Variants in CAMSAP3 observed in about 807,000 individuals in gnomAD.
CAMSAP3 encodes the protein calmodulin regulated spectrin associated protein family member 3.
Under a neutral mutation model 112.5 loss-of-function variants are expected in CAMSAP3, and 34 were observed. The ratio of observed to expected loss-of-function variants is 0.30; its 90% confidence interval spans 0.23 to 0.40. The LOEUF (loss-of-function observed/expected upper bound fraction) is 0.40, where lower values mean the gene tolerates loss of function less well. Ranked by LOEUF, CAMSAP3 falls within the 10% of genes least tolerant of loss-of-function variation. CAMSAP3 has a pLI of 1.00. For missense variants in CAMSAP3, 1,602 were observed against 1,770.3 expected (o/e 0.90, Z 1.71); for synonymous variants, 868 against 799.8 (o/e 1.09, Z -1.44).
rs547268564 is a variant in CAMSAP3 at position 7,610,286 on chromosome 19, A to T, written c.761-190A>T. ...TGAGCTGGGATTGCGCCACTGCACT[A>T]CAGCCTGGGTGACAGAGCGAGACTC... On this transcript the variant is annotated intron_variant, in intron 5 of 16. Transcript: ENST00000160298. This position sits in a 1 kb window ranked among gnomAD's most constrained non-coding sequence, Gnocchi z 4.9. Among the ~76,000 whole-genome samples, 10 of 150,938 alleles carry T rather than the reference A, an allele frequency of 6.6e-5. No homozygotes were observed. In the South Asian group the frequency reaches 1.7e-3, roughly 25 times the overall value.
At chr19:7,606,884 C>T in intron 4 of CAMSAP3, 2 of 1,533,946 alleles carry the variant, frequency 1.3e-6, no homozygotes, top group Non-Finnish European at 9.0e-7. Flanking sequence ...CTGTTTCTGC[C>T]TGCCTGTCTG....
chr19:7,616,948 T>TG (rs981863446), intron 14 of CAMSAP3, among the ~76,000 whole-genome samples: 87 of 113,390 alleles, frequency 7.7e-4, no homozygotes, highest in East Asian at 2.1e-3. Context: ...TTTTTTTTTT[T>TG]TTTTTTTTTT....
intron 11 of CAMSAP3, among the ~76,000 whole-genome samples, chr19:7,613,820 C>G (rs1000886161): frequency 6.6e-6 from 1 of 152,128 alleles, no homozygotes; most frequent in Non-Finnish European, 1.5e-5. Context: ...CCTGTGTCCA[C>G]TGTCTCTCCA....
intron 11 of CAMSAP3, among the ~76,000 whole-genome samples, chr19:7,613,602 G>A (rs117029024): frequency 0.011 from 1,700 of 151,896 alleles, 16 homozygotes; most frequent in Middle Eastern, 0.031. Flanking sequence ...ATGGGTGGCC[G>A]GACAAGGGGG....
In CAMSAP3 at chr19:7,617,727, G is replaced by A. The variant is rs753675497; in HGVS notation, c.3445-25G>A. On this transcript the variant is annotated intron_variant, in intron 16 of 16. Coordinates refer to ENST00000160298, the MANE Select transcript of CAMSAP3 (RefSeq NM_020902.2). This position sits in a 1 kb window ranked among gnomAD's most constrained non-coding sequence, Gnocchi z 7.5. ...GGTGGGTGGCCTGACTTGGCCAGCTGACCATTTCCAGCACTCCTGCCCAGG... is the reference window on the plus strand; with the variant it reads ...GGTGGGTGGCCTGACTTGGCCAGCTAACCATTTCCAGCACTCCTGCCCAGG... The A allele has an allele frequency of 6.2e-6, 10 of 1,612,098 alleles. No homozygotes were observed. The highest frequency in any genetic ancestry group is 1.3e-5 in the African/African-American group (1 of 74,898).
rs1008049606 is a variant in CAMSAP3 at position 7,611,789 on chromosome 19, G to C, written c.1296G>C (p.Ser432=). ...GDPVLLRSVS[S]DSLGPPRPAP... The stretch of plus-strand genomic sequence containing the variant: ...CTGTGCTCCTCCGCTCTGTGAGCTC[G>C]GACAGCCTGGGCCCCCCGCGTCCCG... The change falls in exon 11 of 17, where the codon TCG becomes TCC. Residue 432 remains serine (S), a synonymous_variant. Transcript: ENST00000160298. This position sits in a 1 kb window ranked among gnomAD's most constrained non-coding sequence, Gnocchi z 6.9. 1.9e-6 allele frequency: 3 copies of C among 1,596,950 alleles called. No homozygotes were observed. Among genetic ancestry groups the C allele is most frequent in the Non-Finnish European group, 2.6e-6 (3 of 1,172,376 alleles).
At chr19:7,616,196 A>AC (rs1228145955) in intron 13 of CAMSAP3, among the ~76,000 whole-genome samples, 1 of 133,240 alleles carries the variant, frequency 7.5e-6, no homozygotes, top group African/African-American at 3.2e-5. Flanking sequence ...CAGAAATAAG[A>AC]CAAAAAAAAA....
intron 11 of CAMSAP3, among the ~76,000 whole-genome samples, chr19:7,613,385 C>T (rs537575609): frequency 2.2e-5 from 2 of 91,936 alleles, no homozygotes; most frequent in South Asian, 3.2e-4. Context: ...GACATTTGCA[C>T]GGTGGGGGGC....
intron 1 of CAMSAP3, among the ~76,000 whole-genome samples, chr19:7,602,232 T>C (rs1450279163): frequency 6.6e-6 from 1 of 152,024 alleles, no homozygotes. Flanking sequence ...ACCAGAGATT[T>C]TGCTAAACAT....
chr19:7,612,630 C>G lies in CAMSAP3; in HGVS notation c.2137C>G (p.Leu713Val), dbSNP rs1182158105. The part of the protein sequence containing the change: ...VSKLSAALSS[L>V]QRDMQRLTDQ... ...CAAGCTGAGTGCCGCCTTGAGCTCG[C>G]TGCAGCGGGACATGCAGAGGCTCAC... Residue 713 changes from leucine to valine, a missense_variant, in exon 11 of 17, where the codon CTG (leucine) becomes GTG (valine). Around this residue, in one of 6 missense-constraint regions of CAMSAP3, gnomAD observed 1,100 missense variants for 1,135.7 expected, o/e 0.97. Coordinates refer to ENST00000160298, the MANE Select transcript of CAMSAP3 (RefSeq NM_020902.2). The G allele has an allele frequency of 6.6e-7, 1 of 1,522,424 alleles. No individual in the cohort carries two copies. Among genetic ancestry groups the G allele is most frequent in the African/African-American group, 1.4e-5 (1 of 72,738 alleles). The allele number at this position is 1,522,424 out of a possible 1,614,324, so 94.3% of individuals were successfully genotyped here.
In CAMSAP3 at chr19:7,617,961, C is replaced by T. The variant is rs752671167; in HGVS notation, c.3654C>T (p.Thr1218=). ...GCTTCACCCAGATCCCCGCCAAGAC[C>T]ATGTCCATGAGCGTCGATGCCTTCA... The part of the protein sequence containing the change: ...RKRFTQIPAK[T]MSMSVDAFTI... The change falls in exon 17 of 17, where the codon ACC becomes ACT. Residue 1218 remains threonine (T), a synonymous_variant. Coordinates refer to ENST00000160298, the MANE Select transcript of CAMSAP3 (RefSeq NM_020902.2). This position sits in a 1 kb window ranked among gnomAD's most constrained non-coding sequence, Gnocchi z 7.5. 2.5e-6 allele frequency: 4 copies of T among 1,614,180 alleles called. No individual in the cohort carries two copies. Among genetic ancestry groups the T allele is most frequent in the Non-Finnish European group, 2.5e-6 (3 of 1,180,030 alleles).
rs1322983774 is a variant in CAMSAP3 at position 7,607,393 on chromosome 19, T to C, written c.622-733T>C. On this transcript the variant is annotated intron_variant, in intron 4 of 16. Transcript: ENST00000160298. The surrounding 1 kb of genome is among the most constrained non-coding windows in gnomAD (Gnocchi z 4.9). The stretch of plus-strand genomic sequence containing the variant: ...TCTTCCCTGAATGAGCTGTGTGACC[T>C]TGCAGAAGTATCTAAACCTCTCTGT... Among the ~76,000 whole-genome samples the C allele has an allele frequency of 3.3e-5, 5 of 152,230 alleles. No homozygotes were observed. Among genetic ancestry groups the C allele is most frequent in the Admixed American group, 1.3e-4 (2 of 15,290 alleles).
Position 7,615,620 on chromosome 19 carries a change from T to C in CAMSAP3, c.3013T>C (p.Ser1005Pro). The C allele has an allele frequency of 6.9e-7, 1 of 1,449,772 alleles. No homozygotes were observed. Among genetic ancestry groups the C allele is most frequent in the Non-Finnish European group, 9.1e-7 (1 of 1,103,110 alleles). The allele number at this position is 1,449,772 out of a possible 1,614,324, so 89.8% of individuals were successfully genotyped here. A position where few individuals can be genotyped will look rare whatever the true frequency, so the allele number is the denominator to read the frequency against. The part of the protein sequence containing the change: ...DKVLRPRAAG[S>P]GGPGRGGRRA... ...GGTGCTGCGGCCCCGGGCTGCGGGG[T>C]CCGGGGGTCCAGGTCGGGGCGGGCG... is the stretch of plus-strand genomic sequence containing the variant. The change falls in exon 13 of 17, where the codon TCC becomes CCC. Residue 1005 changes from serine (S) to proline (P), a missense_variant. Ser to Pro is a moderately conservative substitution (Grantham distance 74, BLOSUM62 -1). This residue lies in a region of CAMSAP3 where 1,100 missense variants were observed against 1,135.7 expected (regional missense o/e 0.97). Transcript: ENST00000160298. This position sits in a 1 kb window ranked among gnomAD's most constrained non-coding sequence, Gnocchi z 6.5.
Position 7,615,384 on chromosome 19 carries a change from A to G in CAMSAP3, c.2811-34A>G. 6.5e-7 allele frequency: 1 copy of G among 1,536,426 alleles called. No homozygotes were observed. Among genetic ancestry groups the G allele is most frequent in the Non-Finnish European group, 8.8e-7 (1 of 1,140,822 alleles). On this transcript the variant is annotated intron_variant, in intron 12 of 16. Coordinates refer to ENST00000160298, the MANE Select transcript of CAMSAP3 (RefSeq NM_020902.2). This position sits in a 1 kb window ranked among gnomAD's most constrained non-coding sequence, Gnocchi z 6.5. Reference sequence around the variant, plus strand: ...CCTGTCTGCCACCGCGGACCCCGTGAGCGGTTCTGATGCCGATTCCCTGTG... The same window carrying G: ...CCTGTCTGCCACCGCGGACCCCGTGGGCGGTTCTGATGCCGATTCCCTGTG...
Position 7,607,816 on chromosome 19 carries a change from C to G in CAMSAP3, c.622-310C>G. ...CCTTGCTGATGGCTGCTCCTCTCCC[C>G]CCAGCACGCAATTGCCTTCTGTTTG... On this transcript the variant is annotated intron_variant, in intron 4 of 16. Transcript: ENST00000160298. The surrounding 1 kb of genome is among the most constrained non-coding windows in gnomAD (Gnocchi z 4.9). The G allele has an allele frequency of 7.5e-7, 1 of 1,337,220 alleles. No homozygotes were observed. The highest frequency in any genetic ancestry group is 1.0e-6 in the Non-Finnish European group (1 of 984,242). The allele number at this position is 1,337,220 out of a possible 1,614,324, so 82.8% of individuals were successfully genotyped here. A position where few individuals can be genotyped will look rare whatever the true frequency, so the allele number is the denominator to read the frequency against.
At chr19:7,614,967 A>AGT in intron 11 of CAMSAP3, 51 of 610,324 alleles carry the variant, frequency 8.4e-5, no homozygotes, top group Non-Finnish European at 1.2e-4. Context: ...TGGGTTAAGC[A>AGT]GTGTGTGTGT....
At chr19:7,597,907 A>C (rs1215463687) in intron 1 of CAMSAP3, among the ~76,000 whole-genome samples, 1 of 152,140 alleles carries the variant, frequency 6.6e-6, no homozygotes, top group Non-Finnish European at 1.5e-5. Flanking sequence ...TGTGTGACAC[A>C]CGGCAGTGGC....
In CAMSAP3 at chr19:7,612,419, G is replaced by A. The variant is rs1295505392; in HGVS notation, c.1926G>A (p.Pro642=). The A allele has an allele frequency of 1.9e-6, 3 of 1,591,394 alleles. No individual in the cohort carries two copies. The highest frequency in any genetic ancestry group is 1.7e-5 in the Admixed American group (1 of 57,314). Reference sequence around the variant, plus strand: ...AAAGCGCCTTCCTGCAGGTGCAGCCGCGGGAAGCCTCTGGGGAGGCGGAAG... The same window carrying A: ...AAAGCGCCTTCCTGCAGGTGCAGCCACGGGAAGCCTCTGGGGAGGCGGAAG... ...LGKSAFLQVQ[P]REASGEAEAE... Residue 642 remains proline, a synonymous_variant, in exon 11 of 17, where the codon CCG becomes CCA. Transcript: ENST00000160298.
rs1364751396 is a variant in CAMSAP3 at position 7,612,991 on chromosome 19, C to T, written c.2498C>T (p.Pro833Leu). ...RSSILLAEET[P>L]PEEPAARPGL... ...TCCATCCTCCTGGCGGAGGAGACGCCCCCCGAGGAGCCAGCCGCCCGGCCG... is the reference window on the plus strand; with the variant it reads ...TCCATCCTCCTGGCGGAGGAGACGCTCCCCGAGGAGCCAGCCGCCCGGCCG... Residue 833 changes from proline to leucine, a missense_variant, in exon 11 of 17, where the codon CCC becomes CTC. Coordinates refer to ENST00000160298, the MANE Select transcript of CAMSAP3 (RefSeq NM_020902.2). 3.2e-6 allele frequency: 5 copies of T among 1,582,858 alleles called. No homozygotes were observed. Among genetic ancestry groups the T allele is most frequent in the Non-Finnish European group, 4.3e-6 (5 of 1,167,152 alleles).
Sources: gnomAD v4.1 joint callset for allele counts (sites outside exome capture counted in the v4.1 genomes callset) on GRCh38, gnomAD v4.1.1 for gene constraint, gnomAD v4.1.1 regional missense constraint, Gnocchi (gnomAD v3.1) non-coding constraint, MANE v1.5 for transcripts, NCBI Gene and HGNC (gene_info 2026-07-23, HGNC 2026-07-21) for gene names.